The following BRSK1 variants were observed in gnomAD, a reference collection of about 807,000 sequenced individuals.
BRSK1 encodes serine/threonine-protein kinase BRSK1.
BRSK1 carries 17 observed loss-of-function variants against 86.2 expected under a neutral mutation model. That is an observed-to-expected ratio of 0.20 (90% confidence interval 0.14 to 0.30). The LOEUF is 0.30. BRSK1 is among the 10% of genes least tolerant of loss of function. The probability of loss-of-function intolerance (pLI) is 1.00; values close to 1 mark genes in which losing one functional copy is unlikely to be tolerated. For synonymous variants in BRSK1, 464 were observed against 440.1 expected (o/e 1.05, Z -0.68); for missense variants, 719 against 1,071.9 (o/e 0.67, Z 4.60).
chr19:55,298,627 C>T (rs1005488103), intron 7 of BRSK1, among the ~76,000 whole-genome samples: 3 of 152,226 alleles, frequency 2.0e-5, no homozygotes, highest in Admixed American at 1.3e-4. Context: ...AAACCTGAGC[C>T]GCCCACCCAA....
intron 4 of BRSK1, among the ~76,000 whole-genome samples, chr19:55,290,791 G>A (rs1000039644): frequency 8.6e-5 from 13 of 152,018 alleles, no homozygotes; most frequent in Non-Finnish European, 1.3e-4. Flanking sequence ...ACAGGCGCCC[G>A]CCACCACGCC....
Position 55,284,492 on chromosome 19 carries a change from TCCCCCA to T in BRSK1, c.66_71del (p.His23_Pro24del). 17 of 776,120 alleles carry T rather than the reference TCCCCCA, an allele frequency of 2.2e-5. No homozygotes were observed. The highest frequency in any genetic ancestry group is 2.8e-5 in the South Asian group (1 of 35,088). 48.1% of individuals were successfully genotyped at this position (776,120 alleles called of 1,614,324 possible). On this transcript the variant is annotated inframe_deletion, in exon 1 of 19. Transcript: ENST00000309383. ...GGTGGGGGCTCTCCCGCCTACCACC[TCCCCCA>T]CCCCCACCCCCACCCACCCCAGCAC...
At chr19:55,288,504 A>G (rs1276775970) in intron 3 of BRSK1, among the ~76,000 whole-genome samples, 2 of 151,190 alleles carry the variant, frequency 1.3e-5, no homozygotes, top group East Asian at 3.9e-4. Flanking sequence ...TCCAAACAAC[A>G]ACAACAACAA....
At position 55,310,301 on chromosome 19, in the gene BRSK1, C is replaced by T. The variant is rs915198149; in HGVS notation, c.2179+1573C>T. ...TTCCTTGTGTGTTCCAGTTCCTAGG[C>T]GCTCTGGTTAAGGCCCGTTCCTCCA... is the stretch of plus-strand genomic sequence containing the variant. On this transcript the variant is annotated intron_variant, in intron 18 of 18. Transcript: ENST00000309383. This position sits in a 1 kb window ranked among gnomAD's most constrained non-coding sequence, Gnocchi z 5.0. 3.3e-5 allele frequency among the ~76,000 whole-genome samples: 5 copies of T among 152,140 alleles called. No individual in the cohort carries two copies. Among genetic ancestry groups the T allele is most frequent in the African/African-American group, 9.7e-5 (4 of 41,438 alleles).
Position 55,304,444 on chromosome 19 carries a change from G to A in BRSK1, c.1348-107G>A, listed in dbSNP as rs757004993. ...AAGGAGGATACTTGGACTACAAGTTGCAGCATGCACCGGGCCAGCGTCCGT... is the reference window on the plus strand; with the variant it reads ...AAGGAGGATACTTGGACTACAAGTTACAGCATGCACCGGGCCAGCGTCCGT... On this transcript the variant is annotated intron_variant, in intron 13 of 18. Coordinates refer to ENST00000309383, the MANE Select transcript of BRSK1 (RefSeq NM_032430.2). This position sits in a 1 kb window ranked among gnomAD's most constrained non-coding sequence, Gnocchi z 5.2. 2.4e-5 allele frequency: 31 copies of A among 1,289,522 alleles called. No homozygotes were observed. Among genetic ancestry groups the A allele is most frequent in the African/African-American group, 3.0e-5 (2 of 66,076 alleles). The allele number at this position is 1,289,522 out of a possible 1,614,324, so 79.9% of individuals were successfully genotyped here.
chr19:55,307,201 G>A (rs924090088), intron 17 of BRSK1, among the ~76,000 whole-genome samples: 1 of 152,222 alleles, frequency 6.6e-6, no homozygotes, highest in East Asian at 1.9e-4. Context: ...CCAAACGGCT[G>A]TGGAACTGTG....
intron 18 of BRSK1, among the ~76,000 whole-genome samples, chr19:55,311,587 C>T (rs919224514): frequency 3.9e-5 from 6 of 152,174 alleles, no homozygotes; most frequent in Admixed American, 1.3e-4. Flanking sequence ...TGTTTCCTAG[C>T]GAACAGTATC....
Position 55,304,485 on chromosome 19 carries a change from T to TG in BRSK1, c.1348-62dup, listed in dbSNP as rs751176835. The TG allele has an allele frequency of 3.5e-5, 52 of 1,467,256 alleles. No homozygotes were observed. Among genetic ancestry groups the TG allele is most frequent in the African/African-American group, 5.7e-5 (4 of 70,020 alleles). The allele number at this position is 1,467,256 out of a possible 1,614,324, so 90.9% of individuals were successfully genotyped here. ...CAGCGTCCGTGAGTGTGCGTGTGAG[T>TG]GGGGCTCCTAGAGCCTCCTGGGAGT... On this transcript the variant is annotated intron_variant, in intron 13 of 18. Transcript: ENST00000309383. The surrounding 1 kb of genome is among the most constrained non-coding windows in gnomAD (Gnocchi z 5.2).
intron 7 of BRSK1, among the ~76,000 whole-genome samples, chr19:55,296,303 G>A (rs543907849): frequency 6.6e-6 from 1 of 152,280 alleles, no homozygotes; most frequent in Admixed American, 6.5e-5. Flanking sequence ...GCCGATGTCT[G>A]GGGCATCTGT....
intron 7 of BRSK1, among the ~76,000 whole-genome samples, chr19:55,295,460 C>T (rs2088472704): frequency 1.3e-5 from 2 of 152,176 alleles, no homozygotes; most frequent in Non-Finnish European, 2.9e-5. Flanking sequence ...GGGAAAGATA[C>T]TACATTAACC....
chr19:55,305,717 G>C (rs2088640468), intron 16 of BRSK1, 131 bp downstream of exon 16: 1 of 1,404,218 alleles, frequency 7.1e-7, no homozygotes, highest in Non-Finnish European at 9.7e-7. Flanking sequence ...TTTATGGCCA[G>C]AGTTGGTTAG....
At chr19:55,308,596 C>T (rs1210339344) in intron 17 of BRSK1, 43 bp from the exon 18 acceptor site, 23 of 1,527,694 alleles carry the variant, frequency 1.5e-5, no homozygotes, top group Non-Finnish European at 1.8e-5. Context: ...CTTCCCGGTC[C>T]TGGACCCCCA....
Position 55,303,278 on chromosome 19 carries a change from A to G in BRSK1, c.1029-33A>G, listed in dbSNP as rs2088599165. 2.6e-6 allele frequency: 4 copies of G among 1,549,496 alleles called. No individual in the cohort carries two copies. Among genetic ancestry groups the G allele is most frequent in the Non-Finnish European group, 3.6e-6 (4 of 1,121,764 alleles). On this transcript the variant is annotated intron_variant, in intron 10 of 18. Coordinates refer to ENST00000309383, the MANE Select transcript of BRSK1 (RefSeq NM_032430.2). The surrounding 1 kb of genome is among the most constrained non-coding windows in gnomAD (Gnocchi z 5.1). Reference sequence around the variant, plus strand: ...TGATGTTGGACCTCAGCCCTCTGCTACCTCTTTCCACCTTTCCCACCCCCT... The same window carrying G: ...TGATGTTGGACCTCAGCCCTCTGCTGCCTCTTTCCACCTTTCCCACCCCCT...
At chr19:55,301,469 G>A in intron 7 of BRSK1, 43 bp from the exon 8 acceptor site, 1 of 1,600,834 alleles carries the variant, frequency 6.2e-7, no homozygotes, top group Admixed American at 1.7e-5. Context: ...TTGTGGTGAG[G>A]GTGAAATGTG....
Position 55,302,362 on chromosome 19 carries a change from G to A in BRSK1, c.857+194G>A. The stretch of plus-strand genomic sequence containing the variant: ...AGGGGTCAGAGGCAGGAGGGGCTAA[G>A]CTAGGAGTCCAGGACTCCCAGGTTT... On this transcript the variant is annotated intron_variant, in intron 9 of 18. Transcript: ENST00000309383. This position sits in a 1 kb window ranked among gnomAD's most constrained non-coding sequence, Gnocchi z 6.3. 1 of 684,228 alleles carries A rather than the reference G, an allele frequency of 1.5e-6. No individual in the cohort carries two copies. 42.4% of individuals were successfully genotyped at this position (684,228 alleles called of 1,614,324 possible). A position where few individuals can be genotyped will look rare whatever the true frequency, so the allele number is the denominator to read the frequency against.
At chr19:55,298,268 G>T (rs953984487) in intron 7 of BRSK1, among the ~76,000 whole-genome samples, 34 of 124,612 alleles carry the variant, frequency 2.7e-4, no homozygotes, top group African/African-American at 1.1e-3. Flanking sequence ...CTGTAGCCCA[G>T]GCTGGAGTGC....
chr19:55,295,616 G>A (rs908651761), intron 7 of BRSK1, among the ~76,000 whole-genome samples: 1 of 152,200 alleles, frequency 6.6e-6, no homozygotes, highest in African/African-American at 2.4e-5. Context: ...AGCACCTGGA[G>A]GGCTTGATAC....
At chr19:55,288,924 TGTC>T (rs1210386485) in intron 3 of BRSK1, among the ~76,000 whole-genome samples, 1 of 152,162 alleles carries the variant, frequency 6.6e-6, no homozygotes. Context: ...TGATGGGAGT[TGTC>T]GTCTATTGCC....
In BRSK1 at chr19:55,294,190, G is replaced by A; in HGVS notation, c.576-24G>A. 6.2e-7 allele frequency: 1 copy of A among 1,612,394 alleles called. No individual in the cohort carries two copies. The highest frequency in any genetic ancestry group is 1.1e-5 in the South Asian group (1 of 90,958). ...GCAGGGGTTTAGAAGCTGGCTGGAG[G>A]CTCACATCAGCTCTCTCCCTCAGGT... On this transcript the variant is annotated intron_variant, in intron 5 of 18. Coordinates refer to ENST00000309383, the MANE Select transcript of BRSK1 (RefSeq NM_032430.2). The surrounding 1 kb of genome is among the most constrained non-coding windows in gnomAD (Gnocchi z 4.9).
Sources: gnomAD v4.1 joint callset for allele counts (sites outside exome capture counted in the v4.1 genomes callset) on GRCh38, gnomAD v4.1.1 for gene constraint, Gnocchi (gnomAD v3.1) non-coding constraint, MANE v1.5 for transcripts, NCBI Gene and HGNC (gene_info 2026-07-23, HGNC 2026-07-21) for gene names.